The following SLC24A2 variants were observed in gnomAD, a reference collection of about 807,000 sequenced individuals.
SLC24A2 encodes the protein solute carrier family 24 member 2.
Under a neutral mutation model 62.0 loss-of-function variants are expected in SLC24A2, and 36 were observed. That is an observed-to-expected ratio of 0.58 (90% CI 0.44 to 0.77). The LOEUF (loss-of-function observed/expected upper bound fraction) is 0.77. Ranked by LOEUF, SLC24A2 falls within the 30% of genes least tolerant of loss-of-function variation. The probability of loss-of-function intolerance (pLI) is 0.00; values close to 1 mark genes in which losing one functional copy is unlikely to be tolerated. For missense variants in SLC24A2, 846 were observed against 817.9 expected, an observed-to-expected ratio of 1.03 and a Z score of -0.42; for synonymous variants, 358 against 294.0, an observed-to-expected ratio of 1.22 and a Z score of -2.23.
chr9:19,636,315 T>TTTTCTTTCTTTCTTTCTTTCTTTCTTTC (rs72137164), intron 2 of SLC24A2, among the ~76,000 whole-genome samples: 3 of 40,290 alleles, frequency 7.4e-5, no homozygotes, highest in African/African-American at 1.2e-4. Context: ...TTTTCTTTTC[T>TTTTCTTTCTTTCTTTCTTTCTTTCTTTC]TTTCTTTCTT....
the SLC24A2 span, among the ~76,000 whole-genome samples, chr9:20,193,304 T>G: frequency 6.6e-6 from 1 of 152,162 alleles, no homozygotes; most frequent in Non-Finnish European, 1.5e-5. Flanking sequence ...TTTTATTATT[T>G]ATTAGTCAGT....
chr9:19,599,337 C>A lies in SLC24A2; in HGVS notation c.1079-2058G>T, dbSNP rs114043177. ...GGATATGATGAATGAGACTGAAGAACAAGAACTAGGCAGAACATAACAAAA... is the reference window on the plus strand; with the variant it reads ...GGATATGATGAATGAGACTGAAGAAAAAGAACTAGGCAGAACATAACAAAA... On this transcript the variant is annotated intron_variant, in intron 4 of 10. Transcript: ENST00000341998. The surrounding 1 kb of genome is among the most constrained non-coding windows in gnomAD (Gnocchi z 4.5). Among the ~76,000 whole-genome samples, 1,588 of 152,162 alleles carry A rather than the reference C, an allele frequency of 0.01. 30 individuals are homozygous for A. The highest frequency in any genetic ancestry group is 0.037 in the African/African-American group (1,520 of 41,504).
rs545582232 is a variant in SLC24A2 at position 19,642,171 on chromosome 9, C to T, written c.931-19872G>A. 6.5e-4 allele frequency among the ~76,000 whole-genome samples: 99 copies of T among 152,254 alleles called. 1 individual carries two copies. Among genetic ancestry groups the T allele is most frequent in the Admixed American group, 2.2e-3 (34 of 15,302 alleles). The stretch of plus-strand genomic sequence containing the variant: ...AGAGAGCTGGAATATGCCTGGGCCT[C>T]TCCAGGTGGGACAGAGACTAGGAGA... On this transcript the variant is annotated intron_variant, in intron 2 of 10. Transcript: ENST00000341998.
chr9:19,588,540 TAACTC>T (rs1198555707), intron 5 of SLC24A2, among the ~76,000 whole-genome samples: 2 of 152,186 alleles, frequency 1.3e-5, no homozygotes, highest in Non-Finnish European at 2.9e-5. Flanking sequence ...ACTCTGTATT[TAACTC>T]AACTCTGGTA....
chr9:19,939,310 G>A, the SLC24A2 span, among the ~76,000 whole-genome samples: 2 of 152,310 alleles, frequency 1.3e-5, no homozygotes, highest in South Asian at 4.1e-4. Flanking sequence ...AGATGGTATA[G>A]CTACTTACAC....
the SLC24A2 span, among the ~76,000 whole-genome samples, chr9:19,999,829 C>T: frequency 1.3e-5 from 2 of 152,122 alleles, no homozygotes; most frequent in African/African-American, 4.8e-5. Flanking sequence ...AGTCAACACC[C>T]ATGGCTGAGA....
At chr9:20,116,462 C>A in the SLC24A2 span, among the ~76,000 whole-genome samples, 1 of 152,164 alleles carries the variant, frequency 6.6e-6, no homozygotes, top group Non-Finnish European at 1.5e-5. Flanking sequence ...TTCATCACAT[C>A]ATCCATCATA....
the SLC24A2 span, among the ~76,000 whole-genome samples, chr9:19,941,241 T>TA: frequency 0.46 from 69,657 of 151,688 alleles, 16,531 homozygotes; most frequent in Non-Finnish European, 0.52. Flanking sequence ...TAGAGACAAA[T>TA]AAAAAAAATC....
At chr9:20,105,150 A>G in the SLC24A2 span, among the ~76,000 whole-genome samples, 4 of 152,234 alleles carry the variant, frequency 2.6e-5, no homozygotes, top group Admixed American at 1.3e-4. Context: ...AGAGCTAACT[A>G]TCTTAAATAT....
At chr9:20,006,893 G>A in the SLC24A2 span, among the ~76,000 whole-genome samples, 4 of 152,310 alleles carry the variant, frequency 2.6e-5, no homozygotes, top group Admixed American at 2.0e-4. Context: ...TGGGTACACA[G>A]TGCTTGCCTT....
At chr9:20,140,629 G>A in the SLC24A2 span, among the ~76,000 whole-genome samples, 2 of 152,044 alleles carry the variant, frequency 1.3e-5, no homozygotes, top group African/African-American at 2.4e-5. Context: ...CTCACCTCCT[G>A]TTCTGCACCC....
chr9:19,820,255 A>G, the SLC24A2 span, among the ~76,000 whole-genome samples: 1 of 149,864 alleles, frequency 6.7e-6, no homozygotes, highest in African/African-American at 2.5e-5. Context: ...AAGGCATAAG[A>G]ATGATACAAT....
the SLC24A2 span, among the ~76,000 whole-genome samples, chr9:19,984,236 AG>A: frequency 1.5e-4 from 23 of 152,156 alleles, no homozygotes; most frequent in Admixed American, 1.5e-3. Context: ...GAAACAGAAA[AG>A]TTCATTCTCA....
At chr9:20,128,981 C>G in the SLC24A2 span, among the ~76,000 whole-genome samples, 1 of 151,808 alleles carries the variant, frequency 6.6e-6, no homozygotes, top group Non-Finnish European at 1.5e-5. Context: ...TCGATGGATA[C>G]TATAAAGAAA....
At chr9:19,569,332 C>T (rs1835773245) in intron 7 of SLC24A2, among the ~76,000 whole-genome samples, 1 of 152,160 alleles carries the variant, frequency 6.6e-6, no homozygotes, top group African/African-American at 2.4e-5. Flanking sequence ...TCTTACCTCA[C>T]CTCCCTTTGT....
chr9:20,228,477 A>T, the SLC24A2 span, among the ~76,000 whole-genome samples: 5 of 150,786 alleles, frequency 3.3e-5, no homozygotes, highest in Non-Finnish European at 5.9e-5. Flanking sequence ...ATTGTCTTTT[A>T]AAAAAAAATC....
chr9:19,619,792 G>A (rs963939295), intron 3 of SLC24A2, 100 bp from the exon 4 acceptor site: 61 of 878,186 alleles, frequency 6.9e-5, no homozygotes, highest in Non-Finnish European at 9.4e-5. Context: ...CATTTCTGTC[G>A]CATGATCACA....
the SLC24A2 span, among the ~76,000 whole-genome samples, chr9:19,989,624 A>G: frequency 6.6e-6 from 1 of 152,148 alleles, no homozygotes; most frequent in Non-Finnish European, 1.5e-5. Context: ...GGTATCTTAT[A>G]GTTCTTCCCT....
At chr9:19,585,103 T>C (rs1195564110) in intron 5 of SLC24A2, among the ~76,000 whole-genome samples, 1 of 152,158 alleles carries the variant, frequency 6.6e-6, no homozygotes, top group East Asian at 1.9e-4. Flanking sequence ...CAGCGGAATT[T>C]CCTTATTAAG....
Sources: gnomAD v4.1 joint callset for allele counts (sites outside exome capture counted in the v4.1 genomes callset) on GRCh38, gnomAD v4.1.1 for gene constraint, Gnocchi (gnomAD v3.1) non-coding constraint, MANE v1.5 for transcripts, NCBI Gene and HGNC (gene_info 2026-07-23, HGNC 2026-07-21) for gene names.